TMEM109: variants seen among roughly 807,000 people sequenced by gnomAD.
TMEM109 encodes transmembrane protein 109, also known as voltage-gated monoatomic cation channel TMEM109.
A neutral mutation model predicts 26.4 loss-of-function variants in TMEM109; 19 were observed. The ratio of observed to expected loss-of-function variants is 0.72; its 90% CI spans 0.50 to 1.06. The LOEUF is 1.06. Ranked by LOEUF, TMEM109 falls within the 50% of genes least tolerant of loss-of-function variation. The pLI, the probability that TMEM109 is intolerant of heterozygous loss-of-function variation, is 0.00. For synonymous variants in TMEM109, 129 were observed against 142.0 expected, an observed-to-expected ratio of 0.91 and a Z score of 0.65; for missense variants, 262 against 303.4, an observed-to-expected ratio of 0.86 and a Z score of 1.01.
chr11:60,915,470 A>G (rs72916996), intron 1 of TMEM109, among the ~76,000 whole-genome samples: 2 of 152,218 alleles, frequency 1.3e-5, no homozygotes, highest in African/African-American at 2.4e-5. Flanking sequence ...GAAATTCCTG[A>G]GGAGCTTTGC....
At position 60,919,581 on chromosome 11, in the gene TMEM109, G is replaced by A. The variant is rs922031487; in HGVS notation, c.-8-105G>A. 4.3e-6 allele frequency: 4 copies of A among 928,882 alleles called. No homozygotes were observed. The African/African-American group carries it at 6.5e-5, about 15-fold the overall frequency. The allele number at this position is 928,882 out of a possible 1,614,324, so 57.5% of individuals were successfully genotyped here. On this transcript the variant is annotated intron_variant, in intron 1 of 3. Transcript: ENST00000227525. ...GCACTTTCTTTCCAGGGTTAGTTTG[G>A]TGCTTGCTTGGGGTAGGGGTGGAGA... is the stretch of plus-strand genomic sequence containing the variant.
At chr11:60,919,648 A>G in intron 1 of TMEM109, 38 bp from the exon 2 acceptor site, 1 of 1,535,378 alleles carries the variant, frequency 6.5e-7, no homozygotes, top group Non-Finnish European at 9.0e-7. Context: ...GAGTGTGTCT[A>G]CCATGGCACT....
chr11:60,919,980 GAAGA>G (rs1014002126), intron 2 of TMEM109, 50 bp downstream of exon 2: 1 of 1,535,698 alleles, frequency 6.5e-7, no homozygotes, highest in East Asian at 2.3e-5. Context: ...AAAAATAAAA[GAAGA>G]AAGGTTGGTA....
At chr11:60,921,153 G>A (rs774126038) in intron 3 of TMEM109, among the ~76,000 whole-genome samples, 165 bp downstream of exon 3, 2 of 152,196 alleles carry the variant, frequency 1.3e-5, no homozygotes, top group Non-Finnish European at 2.9e-5. Context: ...CCATGGCCAG[G>A]TGTGGTGGCT....
rs1007369606 is a variant in TMEM109, at chr11:60,923,074, C to T, written c.*909C>T. 6.6e-6 allele frequency: 1 copy of T among 152,616 alleles called. No individual in the cohort carries two copies. The highest frequency in any genetic ancestry group is 2.4e-5 in the African/African-American group (1 of 41,458). 9.5% of individuals were successfully genotyped at this position (152,616 alleles called of 1,614,324 possible). A position where few individuals can be genotyped will look rare whatever the true frequency, so the allele number is the denominator to read the frequency against. On this transcript the variant is annotated 3_prime_UTR_variant, in exon 4 of 4. Coordinates refer to ENST00000227525, the MANE Select transcript of TMEM109 (RefSeq NM_024092.3). ...TGCATGCACTTCTCTCCCCATCGCT[C>T]CACAACCTGAAACCGAGAAGGAGTT...
intron 3 of TMEM109, 109 bp from the exon 4 acceptor site, chr11:60,921,665 C>T: frequency 2.4e-6 from 2 of 818,154 alleles, no homozygotes; most frequent in Non-Finnish European, 3.9e-6. Context: ...GCGAGAACGG[C>T]TTATTCCTTT....
rs147127792 is a variant in TMEM109, at chr11:60,922,484, G to A, written c.*319G>A. On this transcript the variant is annotated 3_prime_UTR_variant, in exon 4 of 4. Coordinates refer to ENST00000227525, the MANE Select transcript of TMEM109 (RefSeq NM_024092.3). ...ATCTGCGCCAGCAAACATCACTGCC[G>A]TTGGTCTCTCATGACTTAACTGGCT... is the stretch of plus-strand genomic sequence containing the variant. 3.2e-4 allele frequency: 294 copies of A among 926,016 alleles called. 3 individuals are homozygous for A. In the African/African-American group the frequency reaches 4.1e-3, roughly 13 times the overall value. The allele number at this position is 926,016 out of a possible 1,614,324, so 57.4% of individuals were successfully genotyped here.
At chr11:60,918,745 AT>A (rs1253106495) in intron 1 of TMEM109, 1 of 152,138 alleles carries the variant, frequency 6.6e-6, no homozygotes, top group Non-Finnish European at 1.5e-5. Flanking sequence ...GAACAGTTAA[AT>A]TTCAACATGA....
Position 60,921,059 on chromosome 11 carries a change from T to C in TMEM109, c.340+71T>C. The C allele has an allele frequency of 3.7e-6, 5 of 1,344,124 alleles. No individual in the cohort carries two copies. The Admixed American group carries it at 8.4e-5, about 23-fold the overall frequency. The allele number at this position is 1,344,124 out of a possible 1,614,324, so 83.3% of individuals were successfully genotyped here. A position where few individuals can be genotyped will look rare whatever the true frequency, so the allele number is the denominator to read the frequency against. ...TTTCCTACTTGTGGGAGTTCATCTT[T>C]GTCAGGGTCTAGCCTTTTCCCCAAG... is the stretch of plus-strand genomic sequence containing the variant. On this transcript the variant is annotated intron_variant, in intron 3 of 3. Transcript: ENST00000227525.
At chr11:60,914,963 C>A (rs1405919465) in intron 1 of TMEM109, among the ~76,000 whole-genome samples, 2 of 151,858 alleles carry the variant, frequency 1.3e-5, no homozygotes, top group South Asian at 4.1e-4. Context: ...ATATTTGGAT[C>A]TACTATTAAA....
At chr11:60,914,991 C>T (rs1214639075) in intron 1 of TMEM109, among the ~76,000 whole-genome samples, 1 of 152,258 alleles carries the variant, frequency 6.6e-6, no homozygotes, top group Admixed American at 6.5e-5. Context: ...CCCTCCTCAC[C>T]TCTCCATGGC....
At chr11:60,917,601 A>C (rs531325454) in intron 1 of TMEM109, among the ~76,000 whole-genome samples, 3 of 152,356 alleles carry the variant, frequency 2.0e-5, no homozygotes, top group Non-Finnish European at 4.4e-5. Flanking sequence ...AATTTTCACC[A>C]GTAATTCACT....
At chr11:60,921,752 C>A in intron 3 of TMEM109, 22 bp from the exon 4 acceptor site, 1 of 1,595,206 alleles carries the variant, frequency 6.3e-7, no homozygotes, top group African/African-American at 1.3e-5. Context: ...TTGGCTGACT[C>A]TGTGACTCTC....
intron 1 of TMEM109, among the ~76,000 whole-genome samples, chr11:60,917,804 C>T (rs1381473849): frequency 1.3e-5 from 2 of 151,740 alleles, no homozygotes; most frequent in African/African-American, 2.4e-5. Context: ...TACAGGCACG[C>T]ACCACCACAC....
chr11:60,919,834 A>T lies in TMEM109; in HGVS notation c.141A>T (p.Arg47Ser). 6.2e-7 allele frequency: 1 copy of T among 1,614,200 alleles called. No individual in the cohort carries two copies. ...RDFAPPGQQKREAPVDVLTQI... is the reference protein window; with the variant it reads ...RDFAPPGQQKSEAPVDVLTQI... The stretch of plus-strand genomic sequence containing the variant: ...TTGCACCACCAGGCCAACAGAAGAG[A>T]GAAGCCCCAGTTGATGTCTTGACCC... Residue 47 changes from arginine (R) to serine (S), a missense_variant, in exon 2 of 4, where the codon AGA becomes AGT. Physicochemically the swap from Arg to Ser is moderately radical, Grantham distance 110. Transcript: ENST00000227525.
At chr11:60,921,110 C>A in intron 3 of TMEM109, 122 bp downstream of exon 3, 1 of 847,224 alleles carries the variant, frequency 1.2e-6, no homozygotes, top group Non-Finnish European at 1.9e-6. Context: ...CAGGATTCTG[C>A]AGAGACATGG....
intron 1 of TMEM109, 140 bp from the exon 2 acceptor site, chr11:60,919,546 C>A: frequency 1.5e-6 from 1 of 685,946 alleles, no homozygotes; most frequent in East Asian, 2.7e-5. Context: ...CCTTCCTCTC[C>A]CAGCTAACAG....
At chr11:60,921,300 T>C (rs1219616829) in intron 3 of TMEM109, among the ~76,000 whole-genome samples, 2 of 152,026 alleles carry the variant, frequency 1.3e-5, no homozygotes, top group Non-Finnish European at 2.9e-5. Flanking sequence ...GTGTGTCTGT[T>C]GTCCCAGCTA....
In TMEM109 at chr11:60,922,350, C is replaced by G. The variant is rs1308384453; in HGVS notation, c.*185C>G. The G allele has an allele frequency of 6.5e-7, 1 of 1,534,584 alleles. No homozygotes were observed. Among genetic ancestry groups the G allele is most frequent in the East Asian group, 2.4e-5 (1 of 40,864 alleles). On this transcript the variant is annotated 3_prime_UTR_variant, in exon 4 of 4. Transcript: ENST00000227525. ...AGACCATTCCCCCTGCCTGTCCTTG[C>G]GGCCCTGTCTTCTGAGGTTCTCTGT...
Sources: allele counts gnomAD v4.1 joint callset (sites outside exome capture counted in the v4.1 genomes callset), GRCh38; gene constraint gnomAD v4.1.1; transcripts MANE v1.5; gene names NCBI Gene and HGNC (gene_info 2026-07-23, HGNC 2026-07-21).